The following GLRB variants were observed in gnomAD, a reference collection of about 807,000 sequenced individuals.
The protein encoded by GLRB is glycine receptor subunit beta.
GLRB carries 33 observed loss-of-function variants against 54.2 expected under a neutral mutation model. The ratio of observed to expected loss-of-function variants is 0.61; its 90% CI spans 0.46 to 0.81. The LOEUF is 0.81. Among genes scored for constraint, GLRB ranks in the 40% least tolerant of loss-of-function variants. GLRB has a pLI of 0.00. For missense variants in GLRB, 572 were observed against 584.6 expected (o/e 0.98, Z 0.22); for synonymous variants, 209 against 208.2 (o/e 1.00, Z -0.03).
intron 2 of GLRB, among the ~76,000 whole-genome samples, chr4:157,094,738 A>G (rs746609854): frequency 9.9e-5 from 15 of 152,204 alleles, no homozygotes; most frequent in Admixed American, 5.2e-4. Context: ...AAGAACCACA[A>G]TGCTCAAATC....
chr4:157,138,975 G>A lies in GLRB; in HGVS notation c.751+26G>A, dbSNP rs531687172. 2.4e-4 allele frequency: 296 copies of A among 1,218,738 alleles called. 3 individuals are homozygous for A. The South Asian group carries it at 3.3e-3, about 14-fold the overall frequency. 75.5% of individuals were successfully genotyped at this position (1,218,738 alleles called of 1,614,324 possible). On this transcript the variant is annotated intron_variant, in intron 7 of 9. Transcript: ENST00000264428. ...GTAAGTAATATTCTTTAAATAAAACGAAGTTCTATTTCAAAGATACATTTT... is the reference window on the plus strand; with the variant it reads ...GTAAGTAATATTCTTTAAATAAAACAAAGTTCTATTTCAAAGATACATTTT...
intron 2 of GLRB, among the ~76,000 whole-genome samples, chr4:157,102,792 A>T (rs1735079899): frequency 6.6e-6 from 1 of 152,192 alleles, no homozygotes; most frequent in South Asian, 2.1e-4. Context: ...ATGCAAGCAA[A>T]CATGTTACAT....
intron 2 of GLRB, among the ~76,000 whole-genome samples, chr4:157,082,697 T>C (rs1734266311): frequency 6.6e-6 from 1 of 152,102 alleles, no homozygotes; most frequent in South Asian, 2.1e-4. Flanking sequence ...AGTCAATTAT[T>C]TGTCAATGAC....
chr4:157,128,629 C>T (rs1251270439), intron 4 of GLRB, among the ~76,000 whole-genome samples: 1 of 151,804 alleles, frequency 6.6e-6, no homozygotes, highest in Non-Finnish European at 1.5e-5. Flanking sequence ...ATAGCACCAC[C>T]TAGCAGGCTC....
intron 7 of GLRB, 130 bp downstream of exon 7, chr4:157,139,079 C>T: frequency 1.7e-6 from 1 of 586,420 alleles, no homozygotes; most frequent in Non-Finnish European, 3.1e-6. Flanking sequence ...TTTATCTTTA[C>T]ATTCATATGT....
chr4:157,110,799 T>G (rs1735390533), intron 2 of GLRB, among the ~76,000 whole-genome samples: 1 of 152,026 alleles, frequency 6.6e-6, no homozygotes, highest in South Asian at 2.1e-4. Flanking sequence ...CTGGCCAGTT[T>G]CTGTGTGTCT....
chr4:157,115,814 G>A (rs1242279098), intron 2 of GLRB, among the ~76,000 whole-genome samples: 1 of 151,758 alleles, frequency 6.6e-6, no homozygotes, highest in African/African-American at 2.4e-5. Context: ...CTACCCTTGT[G>A]TCTGTGGCTT....
chr4:157,093,297 T>C (rs1452589973), intron 2 of GLRB, among the ~76,000 whole-genome samples: 2 of 152,212 alleles, frequency 1.3e-5, no homozygotes, highest in East Asian at 3.9e-4. Flanking sequence ...ATGTTAGCTG[T>C]CAATGGACAT....
chr4:157,097,035 C>A (rs1734838864), intron 2 of GLRB, among the ~76,000 whole-genome samples: 1 of 151,986 alleles, frequency 6.6e-6, no homozygotes, highest in South Asian at 2.1e-4. Context: ...AATAAACTGC[C>A]CTCCTTTCAT....
intron 9 of GLRB, among the ~76,000 whole-genome samples, chr4:157,160,415 C>T (rs7298043): frequency 0.38 from 57,039 of 151,814 alleles, 13,070 homozygotes; most frequent in African/African-American, 0.65. Flanking sequence ...GTTCTTTTAA[C>T]TGTGATGTTA....
intron 3 of GLRB, among the ~76,000 whole-genome samples, chr4:157,122,108 T>A (rs1311124767): frequency 6.6e-6 from 1 of 150,540 alleles, no homozygotes; most frequent in African/African-American, 2.5e-5. Flanking sequence ...AAAAAAACAT[T>A]ATAAAATATA....
chr4:157,140,338 A>G (rs1202820503), intron 7 of GLRB, among the ~76,000 whole-genome samples: 2 of 151,974 alleles, frequency 1.3e-5, no homozygotes, highest in South Asian at 2.1e-4. Context: ...TGAATACATT[A>G]CTTATTAAAT....
At chr4:157,153,127 C>A in intron 9 of GLRB, 117 bp downstream of exon 9, 1 of 928,942 alleles carries the variant, frequency 1.1e-6, no homozygotes, top group Non-Finnish European at 1.7e-6. Context: ...TTGTTTTTCT[C>A]TCACAGATGA....
intron 2 of GLRB, among the ~76,000 whole-genome samples, chr4:157,083,910 A>G (rs1253847816): frequency 6.6e-6 from 1 of 152,202 alleles, no homozygotes; most frequent in Non-Finnish European, 1.5e-5. Context: ...TCAAGCTACT[A>G]TAATTTTCAA....
chr4:157,095,175 A>G (rs990630152), intron 2 of GLRB, among the ~76,000 whole-genome samples: 10 of 152,076 alleles, frequency 6.6e-5, no homozygotes, highest in Admixed American at 5.9e-4. Flanking sequence ...TTCAAACCAC[A>G]GCACGTAGAC....
At chr4:157,095,879 A>T (rs1345836859) in intron 2 of GLRB, among the ~76,000 whole-genome samples, 1 of 152,136 alleles carries the variant, frequency 6.6e-6, no homozygotes, top group Non-Finnish European at 1.5e-5. Context: ...ACTGTGCCTC[A>T]GATGTGGTCA....
intron 2 of GLRB, among the ~76,000 whole-genome samples, chr4:157,080,285 A>C (rs1197427234): frequency 6.6e-6 from 1 of 152,174 alleles, no homozygotes; most frequent in Non-Finnish European, 1.5e-5. Flanking sequence ...TATTTTAGAT[A>C]TGTTGAGTAA....
intron 2 of GLRB, among the ~76,000 whole-genome samples, chr4:157,096,961 C>A (rs1345729541): frequency 6.6e-6 from 1 of 152,112 alleles, no homozygotes; most frequent in Non-Finnish European, 1.5e-5. Flanking sequence ...TGTTTCAGTT[C>A]TCAATTTCTG....
intron 2 of GLRB, among the ~76,000 whole-genome samples, chr4:157,098,989 A>G (rs1734918275): frequency 6.6e-6 from 1 of 152,140 alleles, no homozygotes; most frequent in South Asian, 2.1e-4. Context: ...AGGGACATGT[A>G]GGGAAGGGAG....
Sources: allele counts gnomAD v4.1 joint callset (sites outside exome capture counted in the v4.1 genomes callset), GRCh38; gene constraint gnomAD v4.1.1; transcripts MANE v1.5; gene names NCBI Gene and HGNC (gene_info 2026-07-23, HGNC 2026-07-21).